Variants in ANKRD44 observed in about 807,000 individuals in gnomAD.
The protein encoded by ANKRD44 is serine/threonine-protein phosphatase 6 regulatory ankyrin repeat subunit B.
In ANKRD44, 35 loss-of-function variants were observed where a neutral mutation model predicts 116.0. The observed-to-expected ratio is 0.30, with a 90% CI of 0.23 to 0.40. ANKRD44 has a LOEUF of 0.40. Ranked by LOEUF, ANKRD44 falls within the 10% of genes least tolerant of loss-of-function variation. The pLI is 1.00. For missense variants in ANKRD44, 1,014 were observed against 1,242.6 expected (o/e 0.82, Z 2.77); for synonymous variants, 435 against 461.8 (o/e 0.94, Z 0.74).
intron 1 of ANKRD44, chr2:197,296,574 T>TA (rs2083729803): frequency 6.6e-6 from 1 of 152,192 alleles, no homozygotes; most frequent in East Asian, 1.9e-4. Context: ...TCCTTCCCTC[T>TA]AAAAGAATAA....
intron 14 of ANKRD44, 126 bp downstream of exon 14, chr2:197,083,243 C>T (rs1486802607): frequency 1.6e-6 from 2 of 1,259,860 alleles, no homozygotes; most frequent in Non-Finnish European, 2.1e-6. Flanking sequence ...TGGAATTAAG[C>T]AAATCTAACT....
In ANKRD44 at chr2:197,152,965, C is replaced by T. The variant is rs114476820; in HGVS notation, c.112-5860G>A. Among the ~76,000 whole-genome samples the T allele has an allele frequency of 4.0e-3, 603 of 151,998 alleles. 2 individuals carry two copies. The highest frequency in any genetic ancestry group is 0.027 in the Middle Eastern group (8 of 294). ...GACGTGGTGGCTCATGCATGCAATC[C>T]CTGCACTTCGGGAGGCTGAGGCAGA... On this transcript the variant is annotated intron_variant, in intron 2 of 27. Transcript: ENST00000282272.
rs989715293 is a variant in ANKRD44, at chr2:197,031,064, C to T, written c.1651-5797G>A. ...GTACCCACAACACTGGAAAGCAAAA[C>T]TTTCTAAAAATCTACTTTACCTCTT... On this transcript the variant is annotated intron_variant, in intron 16 of 27. Coordinates refer to ENST00000282272, the MANE Select transcript of ANKRD44 (RefSeq NM_001195144.2). Among the ~76,000 whole-genome samples, 22 of 152,198 alleles carry T rather than the reference C, an allele frequency of 1.4e-4. No individual in the cohort carries two copies. In the East Asian group the frequency reaches 3.7e-3, roughly 25 times the overall value.
In ANKRD44 at chr2:197,201,801, G is replaced by A; in HGVS notation, c.28-14695C>T. Among the ~76,000 whole-genome samples, 1 of 152,166 alleles carries A rather than the reference G, an allele frequency of 6.6e-6. No homozygotes were observed. The highest frequency in any genetic ancestry group is 1.9e-4 in the East Asian group (1 of 5,204). On this transcript the variant is annotated intron_variant, in intron 1 of 27. Transcript: ENST00000282272. The surrounding 1 kb of genome is among the most constrained non-coding windows in gnomAD (Gnocchi z 4.0). ...CAAGTAGTGAACATAGTGCCCCATA[G>A]GTAGTTTTTAATCTCTTGCCCTCCT...
At chr2:197,200,606 C>T (rs2081071876) in intron 1 of ANKRD44, among the ~76,000 whole-genome samples, 2 of 151,816 alleles carry the variant, frequency 1.3e-5, no homozygotes, top group Admixed American at 1.3e-4. Context: ...GAAATTACCT[C>T]CAAATCTCTT....
intron 1 of ANKRD44, among the ~76,000 whole-genome samples, chr2:197,249,874 C>T (rs1279355434): frequency 6.6e-6 from 1 of 152,132 alleles, no homozygotes. Context: ...TAATGAAAAT[C>T]TTAACATGGA....
intron 17 of ANKRD44, among the ~76,000 whole-genome samples, chr2:197,016,411 AT>A (rs1207645918): frequency 9.6e-6 from 1 of 104,670 alleles, no homozygotes; most frequent in East Asian, 2.9e-4. Context: ...GTGTAATTCC[AT>A]TTTTCTACAT....
chr2:197,302,394 A>C (rs951026555), intron 1 of ANKRD44: 1 of 152,276 alleles, frequency 6.6e-6, no homozygotes, highest in East Asian at 1.9e-4. Context: ...GGTGGCAGCC[A>C]GTGAAAAATA....
rs563544158 is a variant in ANKRD44 at position 197,245,005 on chromosome 2, T to C, written c.28-57899A>G. The stretch of plus-strand genomic sequence containing the variant: ...ATACAATAATAAAGGCCGGGTGTGG[T>C]AGCTCATGCCTGTAAATCCAGCACT... On this transcript the variant is annotated intron_variant, in intron 1 of 27. Transcript: ENST00000282272. Among the ~76,000 whole-genome samples, 4 of 152,294 alleles carry C rather than the reference T, an allele frequency of 2.6e-5. No homozygotes were observed. The South Asian group carries it at 8.3e-4, about 32-fold the overall frequency.
chr2:197,242,886 T>C (rs1292920360), intron 1 of ANKRD44, among the ~76,000 whole-genome samples: 1 of 152,234 alleles, frequency 6.6e-6, no homozygotes, highest in Non-Finnish European at 1.5e-5. Flanking sequence ...CTGTCAGACC[T>C]GTCAGTCCGC....
intron 2 of ANKRD44, among the ~76,000 whole-genome samples, chr2:197,161,974 C>T (rs1011784624): frequency 1.3e-5 from 2 of 152,184 alleles, no homozygotes; most frequent in African/African-American, 2.4e-5. Flanking sequence ...TTAGCTCACA[C>T]CATGCTACGG....
chr2:197,164,102 C>T (rs904162167), intron 2 of ANKRD44, among the ~76,000 whole-genome samples: 7 of 152,166 alleles, frequency 4.6e-5, no homozygotes, highest in Non-Finnish European at 7.4e-5. Context: ...CTGCGGTGTG[C>T]TGCAGGCCCA....
At chr2:197,232,683 C>T (rs1464801995) in intron 1 of ANKRD44, among the ~76,000 whole-genome samples, 2 of 152,170 alleles carry the variant, frequency 1.3e-5, no homozygotes, top group African/African-American at 4.8e-5. Context: ...TTCAGCCCAT[C>T]CCTCCTAGAA....
rs1219336639 is a variant in ANKRD44, at chr2:197,203,720, G to A, written c.28-16614C>T. 2.6e-5 allele frequency among the ~76,000 whole-genome samples: 4 copies of A among 152,196 alleles called. No homozygotes were observed. Among genetic ancestry groups the A allele is most frequent in the African/African-American group, 9.7e-5 (4 of 41,436 alleles). ...AAACAACCCAAGTGTCCACCAACCGGCATCAACTGATGAATGGATAAACCA... is the reference window on the plus strand; with the variant it reads ...AAACAACCCAAGTGTCCACCAACCGACATCAACTGATGAATGGATAAACCA... On this transcript the variant is annotated intron_variant, in intron 1 of 27. Transcript: ENST00000282272. This position sits in a 1 kb window ranked among gnomAD's most constrained non-coding sequence, Gnocchi z 4.1.
At chr2:197,087,082 A>T (rs1206675294) in intron 12 of ANKRD44, among the ~76,000 whole-genome samples, 1 of 152,228 alleles carries the variant, frequency 6.6e-6, no homozygotes, top group African/African-American at 2.4e-5. Context: ...CAAAACCGTC[A>T]AGAGTTTATG....
chr2:197,126,161 T>C, intron 4 of ANKRD44, 124 bp from the exon 5 acceptor site: 1 of 844,882 alleles, frequency 1.2e-6, no homozygotes, highest in Non-Finnish European at 1.9e-6. Flanking sequence ...ACAGGCTGGC[T>C]CCAGACAAGC....
chr2:196,987,212 C>A lies in ANKRD44; in HGVS notation c.*2379G>T, dbSNP rs552958810. 3,547 of 985,180 alleles carry A rather than the reference C, an allele frequency of 3.6e-3. 14 individuals are homozygous for A. The highest frequency in any genetic ancestry group is 4.0e-3 in the Non-Finnish European group (3,360 of 829,868). 61.0% of individuals were successfully genotyped at this position (985,180 alleles called of 1,614,324 possible). On this transcript the variant is annotated 3_prime_UTR_variant, in exon 28 of 28. Transcript: ENST00000282272. ...GTTTCGTAAGACGAAAGCATTTTAG[C>A]ACTGCAAAATCAAACAATTCCTATA...
intron 17 of ANKRD44, among the ~76,000 whole-genome samples, chr2:197,023,830 G>A (rs751276960): frequency 1.3e-5 from 2 of 152,170 alleles, no homozygotes; most frequent in Non-Finnish European, 2.9e-5. Context: ...AGGGCCAACT[G>A]GCATGAAGAT....
chr2:197,130,763 G>A (rs1411668512), intron 4 of ANKRD44, among the ~76,000 whole-genome samples: 2 of 152,100 alleles, frequency 1.3e-5, no homozygotes, highest in Non-Finnish European at 2.9e-5. Flanking sequence ...CTGTCTACTA[G>A]CATTAAGCCC....
Sources: gnomAD v4.1 joint callset for allele counts (sites outside exome capture counted in the v4.1 genomes callset) on GRCh38, gnomAD v4.1.1 for gene constraint, Gnocchi (gnomAD v3.1) non-coding constraint, MANE v1.5 for transcripts, NCBI Gene and HGNC (gene_info 2026-07-23, HGNC 2026-07-21) for gene names.